RNF111: variants seen among roughly 807,000 people sequenced by gnomAD.
RNF111 encodes the protein ring finger protein 111.
Under a neutral mutation model 95.1 loss-of-function variants are expected in RNF111, and 17 were observed. The ratio of observed to expected loss-of-function variants is 0.18; its 90% confidence interval spans 0.12 to 0.27. RNF111 has a LOEUF of 0.27. Ranked by LOEUF, RNF111 falls within the 10% of genes least tolerant of loss-of-function variation. RNF111 has a pLI of 1.00. For synonymous variants in RNF111, 440 were observed against 414.8 expected, an observed-to-expected ratio of 1.06 and a Z score of -0.74; for missense variants, 1,189 against 1,210.4, an observed-to-expected ratio of 0.98 and a Z score of 0.26.
intron 11 of RNF111, among the ~76,000 whole-genome samples, chr15:59,089,993 T>C (rs2079003049): frequency 6.6e-6 from 1 of 152,138 alleles, no homozygotes; most frequent in African/African-American, 2.4e-5. Context: ...TATAGAAGAA[T>C]ATAAAAATGT....
At chr15:59,040,887 C>T (rs1184599914) in intron 2 of RNF111, among the ~76,000 whole-genome samples, 2 of 152,064 alleles carry the variant, frequency 1.3e-5, no homozygotes, top group South Asian at 2.1e-4. Context: ...AATTTAATTT[C>T]GCTTTTTAAA....
intron 4 of RNF111, among the ~76,000 whole-genome samples, chr15:59,057,352 A>G (rs929254621): frequency 1.3e-5 from 2 of 152,232 alleles, no homozygotes; most frequent in Admixed American, 1.3e-4. Context: ...TGCATATACA[A>G]GCATTTGGAC....
chr15:59,085,721 A>G lies in RNF111; in HGVS notation c.2486A>G (p.His829Arg). The G allele has an allele frequency of 6.2e-7, 1 of 1,613,634 alleles. No homozygotes were observed. The highest frequency in any genetic ancestry group is 8.5e-7 in the Non-Finnish European group (1 of 1,179,692). ...ATYTPGALHP[H>R]LAHYHAPPRL... ...TATACACCTGGTGCATTGCATCCTC[A>G]CTTGGCCCATTATCACGCACCTCCT... Residue 829 changes from histidine (H) to arginine (R), a missense_variant, in exon 10 of 14, where the codon CAC (histidine) becomes CGC (arginine). By Grantham distance (29) the His-to-Arg change is conservative. Transcript: ENST00000348370.
chr15:59,007,629 G>C (rs1403455089), intron 1 of RNF111, among the ~76,000 whole-genome samples: 3 of 151,856 alleles, frequency 2.0e-5, no homozygotes, highest in African/African-American at 7.3e-5. Context: ...CTGCCAGAGA[G>C]TCATGTGTGG....
In RNF111 at chr15:59,073,266, G is replaced by C. The variant is rs181834463; in HGVS notation, c.1687-2688G>C. ...GAGGCAGGCAGATCACTTGCGGTCA[G>C]CAGTTCAAGACCAGCGTGGGCAACA... On this transcript the variant is annotated intron_variant, in intron 6 of 13. Coordinates refer to ENST00000348370, the MANE Select transcript of RNF111 (RefSeq NM_017610.8). Among the ~76,000 whole-genome samples, 213 of 152,282 alleles carry C rather than the reference G, an allele frequency of 1.4e-3. 2 individuals carry two copies. Among genetic ancestry groups the C allele is most frequent in the Admixed American group, 3.2e-3 (49 of 15,288 alleles).
intron 2 of RNF111, 112 bp from the exon 3 acceptor site, chr15:59,052,193 G>T: frequency 4.1e-6 from 4 of 982,392 alleles, no homozygotes; most frequent in Non-Finnish European, 5.7e-6. Flanking sequence ...TGACAGATAA[G>T]ATTTTTATTT....
intron 2 of RNF111, among the ~76,000 whole-genome samples, chr15:59,042,083 AAATT>A (rs1469186262): frequency 6.6e-6 from 1 of 151,552 alleles, no homozygotes; most frequent in Non-Finnish European, 1.5e-5. Flanking sequence ...CATTTTTCAC[AAATT>A]AATTAGTAGT....
At chr15:59,069,468 T>G (rs2042814076) in intron 6 of RNF111, among the ~76,000 whole-genome samples, 1 of 152,256 alleles carries the variant, frequency 6.6e-6, no homozygotes, top group Non-Finnish European at 1.5e-5. Flanking sequence ...ACAGCTAGTT[T>G]GAGACATCAA....
chr15:59,029,302 C>A (rs1169012616), intron 1 of RNF111, among the ~76,000 whole-genome samples: 1 of 152,078 alleles, frequency 6.6e-6, no homozygotes, highest in Non-Finnish European at 1.5e-5. Context: ...GTGTTCTTGC[C>A]TTTAATTAAA....
chr15:59,090,213 TTTG>T (rs2079011945), intron 11 of RNF111, among the ~76,000 whole-genome samples: 4 of 72,556 alleles, frequency 5.5e-5, no homozygotes, highest in African/African-American at 1.9e-4. Context: ...TGTTTTTTTG[TTTG>T]TTTGTTTGTT....
rs528485914 is a variant in RNF111, at chr15:59,028,261, T to C, written c.-19-2543T>C. On this transcript the variant is annotated intron_variant, in intron 1 of 13. Coordinates refer to ENST00000348370, the MANE Select transcript of RNF111 (RefSeq NM_017610.8). ...TACATTATGTTATCTTTTTGACTGG[T>C]TTCTTTTACTTAGCATATTGTTTAT... Among the ~76,000 whole-genome samples, 195 of 152,280 alleles carry C rather than the reference T, an allele frequency of 1.3e-3. 1 individual carries two copies. Among genetic ancestry groups the C allele is most frequent in the Admixed American group, 3.9e-3 (59 of 15,300 alleles).
chr15:59,083,968 A>G (rs2140191581), intron 8 of RNF111, 161 bp from the exon 9 acceptor site: 1 of 482,394 alleles, frequency 2.1e-6, no homozygotes, highest in East Asian at 4.7e-5. Context: ...ATTTATTAAC[A>G]AATAATTTTA....
In RNF111 at chr15:59,081,431, G is replaced by A. The variant is rs1395453167; in HGVS notation, c.2297+147G>A. The A allele has an allele frequency of 7.5e-6, 5 of 667,866 alleles. No homozygotes were observed. The East Asian group carries it at 8.3e-5, about 11-fold the overall frequency. The allele number at this position is 667,866 out of a possible 1,614,324, so 41.4% of individuals were successfully genotyped here. On this transcript the variant is annotated intron_variant, in intron 8 of 13. Coordinates refer to ENST00000348370, the MANE Select transcript of RNF111 (RefSeq NM_017610.8). ...AGGCTGAGACAGGAGGATTGCTTGA[G>A]CCCAGGAGTTTGAGTCCATCTGGGC... is the stretch of plus-strand genomic sequence containing the variant.
chr15:59,074,687 GT>G (rs1342987268), intron 6 of RNF111, among the ~76,000 whole-genome samples: 1 of 152,152 alleles, frequency 6.6e-6, no homozygotes, highest in Admixed American at 6.5e-5. Context: ...AGCAATAAGG[GT>G]GTTTCAGTTT....
chr15:59,043,337 G>A (rs1384835238), intron 2 of RNF111, among the ~76,000 whole-genome samples: 1 of 151,940 alleles, frequency 6.6e-6, no homozygotes, highest in Non-Finnish European at 1.5e-5. Flanking sequence ...TTATTATTTG[G>A]TAGAGACGGG....
chr15:59,005,968 A>G (rs1375465579), intron 1 of RNF111, among the ~76,000 whole-genome samples: 1 of 152,216 alleles, frequency 6.6e-6, no homozygotes, highest in Non-Finnish European at 1.5e-5. Flanking sequence ...AAATCAATGC[A>G]TTTTGAGTTG....
chr15:59,031,210 A>G lies in RNF111; in HGVS notation c.388A>G (p.Asn130Asp), dbSNP rs148684989. Residue 130 changes from asparagine to aspartate, a missense_variant, in exon 2 of 14, where the codon AAT becomes GAT. By Grantham distance (23) the Asn-to-Asp change is conservative. Coordinates refer to ENST00000348370, the MANE Select transcript of RNF111 (RefSeq NM_017610.8). The part of the protein sequence containing the change: ...QHLGTPSDED[N>D]DSSFSDCLSS... Reference sequence around the variant, plus strand: ...CCTAGGGACACCAAGTGATGAAGATAATGATTCCTCTTTTAGTGATTGTCT... The same window carrying G: ...CCTAGGGACACCAAGTGATGAAGATGATGATTCCTCTTTTAGTGATTGTCT... The G allele has an allele frequency of 1.1e-4, 183 of 1,614,120 alleles. No individual in the cohort carries two copies. The highest frequency in any genetic ancestry group is 4.9e-4 in the Middle Eastern group (3 of 6,084).
At chr15:59,061,687 T>C (rs1174811478) in intron 5 of RNF111, among the ~76,000 whole-genome samples, 1 of 152,220 alleles carries the variant, frequency 6.6e-6, no homozygotes, top group East Asian at 1.9e-4. Context: ...CTACCTCTTA[T>C]CCTTTCCTTT....
rs1161069360 is a variant in RNF111 at position 59,031,214 on chromosome 15, A to G, written c.392A>G (p.Asp131Gly). 2 of 1,614,088 alleles carry G rather than the reference A, an allele frequency of 1.2e-6. No individual in the cohort carries two copies. The highest frequency in any genetic ancestry group is 4.5e-5 in the East Asian group (2 of 44,890). The change falls in exon 2 of 14, where the codon GAT becomes GGT. Residue 131 changes from aspartate (D) to glycine (G), a missense_variant. This residue lies in a region of RNF111 where 1,024 missense variants were observed against 925.9 expected (regional missense o/e 1.11). Coordinates refer to ENST00000348370, the MANE Select transcript of RNF111 (RefSeq NM_017610.8). ...GGGACACCAAGTGATGAAGATAATG[A>G]TTCCTCTTTTAGTGATTGTCTTTCT... ...HLGTPSDEDN[D>G]SSFSDCLSSP...
Sources: allele counts gnomAD v4.1 joint callset (sites outside exome capture counted in the v4.1 genomes callset), GRCh38; gene constraint gnomAD v4.1.1; regional missense constraint gnomAD v4.1.1; transcripts MANE v1.5; gene names NCBI Gene and HGNC (gene_info 2026-07-23, HGNC 2026-07-21).